SEC24B: variants seen among roughly 807,000 people sequenced by gnomAD.
SEC24B encodes SEC24 homolog B, COPII component, also known as protein transport protein Sec24B.
A neutral mutation model predicts 142.8 loss-of-function variants in SEC24B; 45 were observed. The observed-to-expected ratio is 0.32, with a 90% confidence interval of 0.25 to 0.40. The LOEUF (loss-of-function observed/expected upper bound fraction) is 0.40, where lower values mean the gene tolerates loss of function less well. Ranked by LOEUF, SEC24B falls within the 10% of genes least tolerant of loss-of-function variation. The pLI is 1.00. For missense variants in SEC24B, 1,409 were observed against 1,526.8 expected (o/e 0.92, Z 1.29); for synonymous variants, 574 against 568.2 (o/e 1.01, Z -0.15).
chr4:109,480,934 C>G (rs1733674554), intron 3 of SEC24B, among the ~76,000 whole-genome samples: 5 of 152,078 alleles, frequency 3.3e-5, no homozygotes, highest in Admixed American at 1.3e-4. Flanking sequence ...GTTTATTGTG[C>G]CCTTTTCTAC....
intron 4 of SEC24B, 81 bp from the exon 5 acceptor site, chr4:109,491,246 C>T (rs1734990694): frequency 1.8e-6 from 2 of 1,087,014 alleles, no homozygotes; most frequent in Non-Finnish European, 2.8e-6. Flanking sequence ...TCCGCAAAAA[C>T]ATCTTTTTCA....
rs1402629793 is a variant in SEC24B, at chr4:109,530,437, T to C, written c.3225T>C (p.Pro1075=). The part of the protein sequence containing the change: ...LMAPSSLKLF[P]LYVLALLKQK... ...CGCCCAGCTCCCTCAAGTTGTTTCC[T>C]CTCTATGTTTTGGCCCTTCTCAAAC... is the stretch of plus-strand genomic sequence containing the variant. Residue 1075 remains proline (P), a synonymous_variant, in exon 19 of 24, where the codon CCT becomes CCC. Coordinates refer to ENST00000265175, the MANE Select transcript of SEC24B (RefSeq NM_006323.5). 1.2e-6 allele frequency: 2 copies of C among 1,613,898 alleles called. No individual in the cohort carries two copies. The highest frequency in any genetic ancestry group is 2.7e-5 in the African/African-American group (2 of 74,914).
chr4:109,507,337 C>T (rs1013948090), intron 7 of SEC24B, among the ~76,000 whole-genome samples: 28 of 150,576 alleles, frequency 1.9e-4, no homozygotes, highest in Non-Finnish European at 3.0e-5. Context: ...TGCAGTGGCC[C>T]GATCTTAGCT....
At position 109,462,906 on chromosome 4, in the gene SEC24B, G is replaced by GC. The variant is rs766854937; in HGVS notation, c.142dup (p.Gln48ProfsTer42). ...GTAAATACTTGCTTTTTCAGGTCCAGCCCAGAATCAAATGCAGGTTCCATC... is the reference window on the plus strand; with the variant it reads ...GTAAATACTTGCTTTTTCAGGTCCAGCCCCAGAATCAAATGCAGGTTCCATC... On this transcript the variant is annotated frameshift_variant, in exon 2 of 24. Coordinates refer to ENST00000265175, the MANE Select transcript of SEC24B (RefSeq NM_006323.5). LOFTEE classifies it high-confidence loss of function. 1 of 1,605,488 alleles carries GC rather than the reference G, an allele frequency of 6.2e-7. No individual in the cohort carries two copies. The highest frequency in any genetic ancestry group is 1.3e-5 in the African/African-American group (1 of 74,818).
chr4:109,538,701 G>T, intron 23 of SEC24B, 105 bp downstream of exon 23: 3 of 646,548 alleles, frequency 4.6e-6, no homozygotes, highest in Admixed American at 2.5e-5. Context: ...ATATTCTGAT[G>T]GTAAAATGTT....
intron 1 of SEC24B, among the ~76,000 whole-genome samples, chr4:109,455,312 C>G (rs1384995527): frequency 6.6e-6 from 1 of 151,392 alleles, no homozygotes; most frequent in Non-Finnish European, 1.5e-5. Flanking sequence ...TGTGGTGGTG[C>G]GATCTTGGCT....
chr4:109,443,926 T>C (rs932651738), intron 1 of SEC24B, among the ~76,000 whole-genome samples: 3 of 151,970 alleles, frequency 2.0e-5, no homozygotes, highest in African/African-American at 7.2e-5. Context: ...GAGAGAGTAA[T>C]GAAAGAATGG....
chr4:109,484,498 CTTT>C (rs1357402288), intron 4 of SEC24B, among the ~76,000 whole-genome samples: 2 of 151,970 alleles, frequency 1.3e-5, no homozygotes, highest in African/African-American at 4.8e-5. Context: ...TGAGGAGTTT[CTTT>C]GAGACTATTT....
chr4:109,520,366 G>T lies in SEC24B; in HGVS notation c.2127G>T (p.Lys709Asn). 6.4e-7 allele frequency: 1 copy of T among 1,570,804 alleles called. No individual in the cohort carries two copies. Residue 709 changes from lysine (K) to asparagine (N), a missense_variant and splice_region_variant, in exon 12 of 24, where the codon AAG (lysine) becomes AAT (asparagine). Coordinates refer to ENST00000265175, the MANE Select transcript of SEC24B (RefSeq NM_006323.5). ...TTAAAATTGTCATTTTTATCTTTAG[G>T]CTTCCTGGAGATTCACGAACAAGAA... ...LCQSLLENLD[K>N]LPGDSRTRIG...
chr4:109,526,927 G>A (rs1173981530), intron 17 of SEC24B, among the ~76,000 whole-genome samples: 2 of 152,050 alleles, frequency 1.3e-5, no homozygotes, highest in East Asian at 1.9e-4. Context: ...ATAAAAATTC[G>A]ACTTGTGGCT....
intron 14 of SEC24B, among the ~76,000 whole-genome samples, chr4:109,523,190 C>T (rs999027084): frequency 6.6e-6 from 1 of 152,084 alleles, no homozygotes. Context: ...ACAATAATGG[C>T]CGGGTGCAGT....
chr4:109,467,142 C>A (rs915363498), intron 2 of SEC24B, among the ~76,000 whole-genome samples: 1 of 151,334 alleles, frequency 6.6e-6, no homozygotes, highest in Non-Finnish European at 1.5e-5. Flanking sequence ...CTGGCTAACA[C>A]GGTGAAACCC....
At chr4:109,496,054 TAACAG>T (rs936130087) in intron 6 of SEC24B, among the ~76,000 whole-genome samples, 1 of 152,136 alleles carries the variant, frequency 6.6e-6, no homozygotes, top group Admixed American at 6.5e-5. Flanking sequence ...GTTAAATACT[TAACAG>T]GACAGTATTA....
At position 109,505,533 on chromosome 4, in the gene SEC24B, G is replaced by A. The variant is rs118010662; in HGVS notation, c.1489-795G>A. ...TTAAATTTGTATTGGAACTGTCAAC[G>A]TGGACTCATTATTTGCTTCTACTTT... is the stretch of plus-strand genomic sequence containing the variant. On this transcript the variant is annotated intron_variant, in intron 6 of 23. Coordinates refer to ENST00000265175, the MANE Select transcript of SEC24B (RefSeq NM_006323.5). Among the ~76,000 whole-genome samples the A allele has an allele frequency of 2.4e-3, 368 of 152,208 alleles. 8 individuals are homozygous for A. The East Asian group carries it at 0.065, about 27-fold the overall frequency.
chr4:109,466,189 C>T (rs577158515), intron 2 of SEC24B, among the ~76,000 whole-genome samples: 1 of 152,238 alleles, frequency 6.6e-6, no homozygotes, highest in South Asian at 2.1e-4. Context: ...GTATCTGACA[C>T]ATATCACTGT....
At chr4:109,535,987 CCTAGCTTATTGT>C (rs1167451008) in intron 22 of SEC24B, among the ~76,000 whole-genome samples, 1 of 152,032 alleles carries the variant, frequency 6.6e-6, no homozygotes, top group African/African-American at 2.4e-5. Flanking sequence ...GGAAGGCTGG[CCTAGCTTATTGT>C]TAGGTAATGT....
intron 18 of SEC24B, among the ~76,000 whole-genome samples, chr4:109,527,717 A>G (rs1021219837): frequency 3.3e-5 from 5 of 151,838 alleles, no homozygotes; most frequent in Admixed American, 3.3e-4. Context: ...CGTTGCAGTG[A>G]GCCGAGACCG....
intron 4 of SEC24B, among the ~76,000 whole-genome samples, chr4:109,487,203 G>A (rs1251053180): frequency 6.6e-6 from 1 of 150,894 alleles, no homozygotes; most frequent in Non-Finnish European, 1.5e-5. Flanking sequence ...TATTAATTCA[G>A]GATTGAGAAT....
chr4:109,467,661 T>C lies in SEC24B; in HGVS notation c.877+4017T>C, dbSNP rs185376679. On this transcript the variant is annotated intron_variant, in intron 2 of 23. Coordinates refer to ENST00000265175, the MANE Select transcript of SEC24B (RefSeq NM_006323.5). The stretch of plus-strand genomic sequence containing the variant: ...AATAATTTTCTTAATTTGTCTTTAG[T>C]ATCCCTTTGTTTTACAAAGCACATA... 3.2e-3 allele frequency among the ~76,000 whole-genome samples: 495 copies of C among 152,338 alleles called. 6 individuals carry two copies. Among genetic ancestry groups the C allele is most frequent in the Non-Finnish European group, 2.6e-3 (176 of 68,034 alleles).
Sources: gnomAD v4.1 joint callset for allele counts (sites outside exome capture counted in the v4.1 genomes callset) on GRCh38, gnomAD v4.1.1 for gene constraint, MANE v1.5 for transcripts, NCBI Gene and HGNC (gene_info 2026-07-23, HGNC 2026-07-21) for gene names.